Variants in ARL15 observed in about 807,000 individuals in gnomAD.
ARL15 encodes the protein ADP-ribosylation factor-like protein 15.
ARL15 carries 19 observed loss-of-function variants against 25.2 expected under a neutral mutation model. The observed-to-expected ratio is 0.75, with a 90% CI of 0.53 to 1.10. ARL15 has a LOEUF of 1.10. Ranked by LOEUF, ARL15 falls within the 50% of genes least tolerant of loss-of-function variation. The probability of loss-of-function intolerance (pLI) is 0.00; values close to 1 mark genes in which losing one functional copy is unlikely to be tolerated. For synonymous variants in ARL15, 94 were observed against 86.8 expected (o/e 1.08, Z -0.46); for missense variants, 220 against 246.0 (o/e 0.89, Z 0.71).
intron 3 of ARL15, among the ~76,000 whole-genome samples, chr5:54,114,430 C>T (rs1235210927): frequency 4.3e-5 from 2 of 46,230 alleles, no homozygotes; most frequent in East Asian, 1.1e-3. Context: ...AAAGCAACAC[C>T]ACATGGAGAG....
chr5:54,070,189 A>G (rs1579763196), intron 4 of ARL15, among the ~76,000 whole-genome samples: 3 of 151,306 alleles, frequency 2.0e-5, no homozygotes, highest in South Asian at 4.2e-4. Context: ...TCAGGAGATC[A>G]AGACCATCCT....
rs199648204 is a variant in ARL15 at position 54,009,218 on chromosome 5, C to G, written c.462+103984G>C. The stretch of plus-strand genomic sequence containing the variant: ...ATTTGCCATCATTGTTAAATTGCCA[C>G]AAAGTTGCTTTCGACTTTTTAATCA... On this transcript the variant is annotated intron_variant, in intron 4 of 4. Transcript: ENST00000504924. Among the ~76,000 whole-genome samples, 14 of 152,294 alleles carry G rather than the reference C, an allele frequency of 9.2e-5. No homozygotes were observed. In the East Asian group the frequency reaches 2.7e-3, roughly 29 times the overall value.
intron 4 of ARL15, among the ~76,000 whole-genome samples, chr5:54,091,341 T>C (rs185321807): frequency 1.6e-3 from 240 of 152,300 alleles, no homozygotes; most frequent in African/African-American, 5.5e-3. Flanking sequence ...TCCATAGTTA[T>C]ACATATCTCT....
intron 4 of ARL15, among the ~76,000 whole-genome samples, chr5:54,005,078 C>A (rs547608964): frequency 2.3e-4 from 35 of 152,196 alleles, no homozygotes; most frequent in Non-Finnish European, 3.5e-4. Context: ...TCTCGCACTC[C>A]TGAGCTGAAG....
chr5:54,135,022 C>G (rs911548727), intron 3 of ARL15, among the ~76,000 whole-genome samples: 4 of 151,972 alleles, frequency 2.6e-5, no homozygotes, highest in Admixed American at 1.3e-4. Flanking sequence ...ACAGATGTCT[C>G]AAAGCTGAAA....
At chr5:54,028,160 ATCC>A (rs1749849078) in intron 4 of ARL15, among the ~76,000 whole-genome samples, 1 of 152,076 alleles carries the variant, frequency 6.6e-6, no homozygotes, top group African/African-American at 2.4e-5. Flanking sequence ...TGAACTTGTG[ATCC>A]GCCTGTCTCG....
chr5:54,128,471 T>C (rs556098963), intron 3 of ARL15, among the ~76,000 whole-genome samples: 2 of 152,316 alleles, frequency 1.3e-5, no homozygotes, highest in Admixed American at 1.3e-4. Context: ...ATCTGATTTA[T>C]ATTATGATTC....
chr5:54,083,589 A>G (rs1751871153), intron 4 of ARL15, among the ~76,000 whole-genome samples: 1 of 152,142 alleles, frequency 6.6e-6, no homozygotes, highest in Admixed American at 6.5e-5. Flanking sequence ...CAAAGAGAAA[A>G]TGTCATTTTC....
chr5:54,134,171 T>C (rs765394518), intron 3 of ARL15, among the ~76,000 whole-genome samples: 3 of 152,226 alleles, frequency 2.0e-5, no homozygotes, highest in Non-Finnish European at 4.4e-5. Context: ...GGGATCATTG[T>C]GAACCACCAT....
At chr5:53,920,651 T>TAAAA (rs1554026546) in intron 4 of ARL15, among the ~76,000 whole-genome samples, 2 of 141,160 alleles carry the variant, frequency 1.4e-5, no homozygotes, top group Admixed American at 1.4e-4. Flanking sequence ...TATTAAAAAA[T>TAAAA]AATAAATAAA....
At chr5:54,116,597 T>C (rs948804821) in intron 3 of ARL15, among the ~76,000 whole-genome samples, 1 of 152,194 alleles carries the variant, frequency 6.6e-6, no homozygotes, top group African/African-American at 2.4e-5. Flanking sequence ...GCCCACAGAA[T>C]GCTTTCATTG....
At chr5:54,291,085 T>C (rs2112689645) in intron 1 of ARL15, among the ~76,000 whole-genome samples, 2 of 152,350 alleles carry the variant, frequency 1.3e-5, no homozygotes, top group South Asian at 4.1e-4. Context: ...AAAATTTCTA[T>C]TTGCCTATTA....
At chr5:54,226,768 A>G (rs867268919) in intron 1 of ARL15, among the ~76,000 whole-genome samples, 6 of 152,148 alleles carry the variant, frequency 3.9e-5, no homozygotes, top group African/African-American at 1.2e-4. Flanking sequence ...TTGTTCTTCA[A>G]CTCAACACAT....
chr5:53,951,847 A>ATT lies in ARL15; in HGVS notation c.463-65136_463-65135dup, dbSNP rs59369848. Among the ~76,000 whole-genome samples the ATT allele has an allele frequency of 4.8e-3, 476 of 98,244 alleles. 4 individuals are homozygous for ATT. Among genetic ancestry groups the ATT allele is most frequent in the East Asian group, 0.016 (54 of 3,374 alleles). The allele number at this position is 98,244 out of a possible 152,430, so 64.5% of individuals were successfully genotyped here. On this transcript the variant is annotated intron_variant, in intron 4 of 4. Coordinates refer to ENST00000504924, the MANE Select transcript of ARL15 (RefSeq NM_019087.3). ...GTTCTCTTAGACTTTACATAAAAGA[A>ATT]TTTTTTTTTTTTTTTTTTTTTTTTT...
At chr5:54,216,711 A>G (rs1198239237) in intron 1 of ARL15, among the ~76,000 whole-genome samples, 1 of 152,178 alleles carries the variant, frequency 6.6e-6, no homozygotes, top group Admixed American at 6.6e-5. Flanking sequence ...AAAAAAATAT[A>G]ACAGAAAAAT....
intron 4 of ARL15, among the ~76,000 whole-genome samples, chr5:54,019,084 T>A (rs1033424865): frequency 2.6e-5 from 4 of 152,132 alleles, no homozygotes; most frequent in African/African-American, 9.7e-5. Context: ...AAAATATGTA[T>A]GTTAATTTAT....
intron 2 of ARL15, among the ~76,000 whole-genome samples, chr5:54,162,522 A>G (rs1389589620): frequency 1.3e-5 from 2 of 152,152 alleles, no homozygotes; most frequent in Non-Finnish European, 2.9e-5. Context: ...ACACTTCATC[A>G]TAGCCACTTG....
At chr5:53,895,058 A>G (rs1215937914) in intron 4 of ARL15, among the ~76,000 whole-genome samples, 1 of 152,202 alleles carries the variant, frequency 6.6e-6, no homozygotes, top group Non-Finnish European at 1.5e-5. Flanking sequence ...GGTATGTCCC[A>G]CACGGCCTAG....
At chr5:54,149,840 A>G (rs558186934) in intron 3 of ARL15, among the ~76,000 whole-genome samples, 112 of 152,350 alleles carry the variant, frequency 7.4e-4, no homozygotes, top group Non-Finnish European at 1.3e-3. Flanking sequence ...ACTAATTAAA[A>G]CTAAAAGAGA....
Sources: allele counts gnomAD v4.1 joint callset (sites outside exome capture counted in the v4.1 genomes callset), GRCh38; gene constraint gnomAD v4.1.1; transcripts MANE v1.5; gene names NCBI Gene and HGNC (gene_info 2026-07-23, HGNC 2026-07-21).